Variants in INPP4A observed in about 807,000 individuals in gnomAD.
The protein encoded by INPP4A is inositol polyphosphate-4-phosphatase type I A, also known as inositol polyphosphate-4-phosphatase, type I, 107kD.
In INPP4A, 33 loss-of-function variants were observed where a neutral mutation model predicts 119.8. The observed-to-expected ratio is 0.28, with a 90% confidence interval of 0.21 to 0.37. The LOEUF is 0.37. Among genes scored for constraint, INPP4A ranks in the 10% least tolerant of loss-of-function variants. INPP4A has a pLI of 1.00. For synonymous variants in INPP4A, 496 were observed against 500.7 expected (o/e 0.99, Z 0.12); for missense variants, 956 against 1,289.9 (o/e 0.74, Z 3.97).
rs907795556 is a variant in INPP4A, at chr2:98,538,920, G to C, written c.609G>C (p.Thr203=). The C allele has an allele frequency of 6.8e-6, 11 of 1,610,568 alleles. No homozygotes were observed. The highest frequency in any genetic ancestry group is 1.7e-5 in the Admixed American group (1 of 59,866). The change falls in exon 9 of 25, where the codon ACG becomes ACC. Residue 203 remains threonine (T), a synonymous_variant. Transcript: ENST00000409851. ...RMVLPVDESL[T]EALGIRSKYA... The stretch of plus-strand genomic sequence containing the variant: ...TTCTTCCTGTCGATGAGAGCTTGAC[G>C]GAGGCGTTAGGAATCCGATCCAAAT...
intron 1 of INPP4A, among the ~76,000 whole-genome samples, chr2:98,472,574 C>T (rs1676274428): frequency 6.6e-6 from 1 of 152,244 alleles, no homozygotes; most frequent in Admixed American, 6.5e-5. Context: ...CATGTGTCCT[C>T]TGTCCTCTGG....
At chr2:98,505,033 T>G (rs1202038615) in intron 1 of INPP4A, among the ~76,000 whole-genome samples, 1 of 152,240 alleles carries the variant, frequency 6.6e-6, no homozygotes, top group Non-Finnish European at 1.5e-5. Context: ...TCTCTGTCTT[T>G]TCTTTGTTTT....
At position 98,566,097 on chromosome 2, in the gene INPP4A, G is replaced by A. The variant is rs1696379822; in HGVS notation, c.2348G>A (p.Ser783Asn). The change falls in exon 21 of 25, where the codon AGT becomes AAT. Residue 783 changes from serine to asparagine, a missense_variant. Physicochemically the swap from Ser to Asn is conservative, Grantham distance 46. Coordinates refer to ENST00000409851, the MANE Select transcript of INPP4A (RefSeq NM_001134225.2). The surrounding 1 kb of genome is among the most constrained non-coding windows in gnomAD (Gnocchi z 4.2). ...GACGCCTTGCCCCGGGAGATCCAGA[G>A]TGGCATGCTGCTGCGAGTGCAGCCC... ...LFDALPREIQ[S>N]GMLLRVQPVL... is the part of the protein sequence containing the mutation. 6.2e-7 allele frequency: 1 copy of A among 1,600,318 alleles called. No homozygotes were observed. Among genetic ancestry groups the A allele is most frequent in the Non-Finnish European group, 8.5e-7 (1 of 1,174,082 alleles).
At chr2:98,552,718 T>C (rs1575052165) in intron 13 of INPP4A, 68 bp from the exon 14 acceptor site, 2 of 1,268,244 alleles carry the variant, frequency 1.6e-6, no homozygotes, top group Non-Finnish European at 2.3e-6. Context: ...GTGGCTGGGG[T>C]TGGAATGATG....
chr2:98,453,935 C>T (rs184489123), intron 1 of INPP4A, among the ~76,000 whole-genome samples: 11 of 152,204 alleles, frequency 7.2e-5, no homozygotes, highest in Admixed American at 5.9e-4. Flanking sequence ...AGTGAAAACC[C>T]GTCTCTACTA....
chr2:98,511,495 T>C (rs1226802879), intron 1 of INPP4A, among the ~76,000 whole-genome samples: 1 of 152,146 alleles, frequency 6.6e-6, no homozygotes, highest in African/African-American at 2.4e-5. Context: ...TATAGAGAGC[T>C]GGGAGGTGGG....
intron 4 of INPP4A, among the ~76,000 whole-genome samples, chr2:98,527,007 C>T (rs929082615): frequency 2.6e-5 from 4 of 152,182 alleles, no homozygotes; most frequent in African/African-American, 9.7e-5. Context: ...CCAGGCCCTA[C>T]CTCCAATACT....
At chr2:98,479,137 C>T (rs1677881191) in intron 1 of INPP4A, among the ~76,000 whole-genome samples, 1 of 152,164 alleles carries the variant, frequency 6.6e-6, no homozygotes, top group Admixed American at 6.5e-5. Context: ...GTTCCTGTTC[C>T]ACTCCCCACT....
chr2:98,549,220 CCT>C (rs1693041320), intron 13 of INPP4A, among the ~76,000 whole-genome samples: 1 of 152,138 alleles, frequency 6.6e-6, no homozygotes, highest in Non-Finnish European at 1.5e-5. Context: ...TGAGAAAGGA[CCT>C]AGTTCTGTTT....
intron 1 of INPP4A, among the ~76,000 whole-genome samples, chr2:98,455,547 C>G (rs1206935816): frequency 6.6e-6 from 1 of 152,070 alleles, no homozygotes; most frequent in Non-Finnish European, 1.5e-5. Context: ...ATGCCTGAAT[C>G]TCACCCTCCT....
intron 1 of INPP4A, among the ~76,000 whole-genome samples, chr2:98,499,262 A>T (rs186754369): frequency 6.6e-6 from 1 of 152,330 alleles, no homozygotes; most frequent in South Asian, 2.1e-4. Flanking sequence ...ACAGAATCGC[A>T]TGTCAGCAGT....
chr2:98,565,976 G>T, intron 20 of INPP4A, 53 bp from the exon 21 acceptor site: 1 of 1,569,656 alleles, frequency 6.4e-7, no homozygotes, highest in Non-Finnish European at 8.6e-7. Context: ...ACTGCAGCCT[G>T]CTCGGTGGCC....
At chr2:98,572,269 G>A (rs1697601117) in intron 22 of INPP4A, among the ~76,000 whole-genome samples, 1 of 152,236 alleles carries the variant, frequency 6.6e-6, no homozygotes, top group Admixed American at 6.5e-5. Context: ...GAAGGGCCTA[G>A]AGACTGCCAG....
At chr2:98,548,952 C>T (rs375856067) in intron 13 of INPP4A, 5 of 1,609,780 alleles carry the variant, frequency 3.1e-6, no homozygotes, top group Non-Finnish European at 4.2e-6. Context: ...TTTTCTTTAG[C>T]AGTTTTGAGG....
chr2:98,572,654 C>T (rs1050815645), intron 22 of INPP4A, among the ~76,000 whole-genome samples, 161 bp from the exon 23 acceptor site: 6 of 152,228 alleles, frequency 3.9e-5, no homozygotes, highest in Non-Finnish European at 8.8e-5. Flanking sequence ...GCTCACCACA[C>T]CAGCAGCCAT....
chr2:98,475,761 G>T (rs1677075150), intron 1 of INPP4A, among the ~76,000 whole-genome samples: 1 of 152,138 alleles, frequency 6.6e-6, no homozygotes, highest in Non-Finnish European at 1.5e-5. Flanking sequence ...CTGGGGTGGG[G>T]GCTTTGGGAG....
At chr2:98,465,155 T>C (rs1217272728) in intron 1 of INPP4A, among the ~76,000 whole-genome samples, 1 of 152,260 alleles carries the variant, frequency 6.6e-6, no homozygotes, top group African/African-American at 2.4e-5. Flanking sequence ...GAACTTATTC[T>C]CTCACTGTTC....
At chr2:98,525,425 C>G (rs1688014886) in intron 4 of INPP4A, among the ~76,000 whole-genome samples, 1 of 152,172 alleles carries the variant, frequency 6.6e-6, no homozygotes, top group Admixed American at 6.5e-5. Context: ...TGTAAAGTCC[C>G]TTTTGCCATG....
At position 98,563,658 on chromosome 2, in the gene INPP4A, G is replaced by A. The variant is rs372385223; in HGVS notation, c.2028+21G>A. 143 of 1,609,868 alleles carry A rather than the reference G, an allele frequency of 8.9e-5. 2 individuals are homozygous for A. Among genetic ancestry groups the A allele is most frequent in the South Asian group, 7.1e-4 (64 of 90,750 alleles). Reference sequence around the variant, plus strand: ...AGACGGTAGGCCCCGGGAGCACCCCGAGGGAGACCACGGGCACCTCTCAGC... The same window carrying A: ...AGACGGTAGGCCCCGGGAGCACCCCAAGGGAGACCACGGGCACCTCTCAGC... On this transcript the variant is annotated intron_variant, in intron 18 of 24. Transcript: ENST00000409851.
Sources: allele counts gnomAD v4.1 joint callset (sites outside exome capture counted in the v4.1 genomes callset), GRCh38; gene constraint gnomAD v4.1.1; non-coding constraint Gnocchi (gnomAD v3.1); transcripts MANE v1.5; gene names NCBI Gene and HGNC (gene_info 2026-07-23, HGNC 2026-07-21).